The following KLHL26 variants were observed in gnomAD, a reference collection of about 807,000 sequenced individuals.
The protein encoded by KLHL26 is kelch-like protein 26.
In KLHL26, 4 loss-of-function variants were observed where a neutral mutation model predicts 7.1. The ratio of observed to expected loss-of-function variants is 0.56; its 90% CI spans 0.28 to 1.28. The LOEUF is 1.28. Ranked by LOEUF, KLHL26 falls within the 50% of genes most tolerant of loss-of-function variation. KLHL26 has a pLI of 0.11. For synonymous variants in KLHL26, 465 were observed against 414.1 expected, an observed-to-expected ratio of 1.12 and a Z score of -1.49; for missense variants, 896 against 924.6, an observed-to-expected ratio of 0.97 and a Z score of 0.40.
rs1302901010 is a variant in KLHL26, at chr19:18,668,190, G to T, written c.793G>T (p.Val265Leu). 2 of 1,611,166 alleles carry T rather than the reference G, an allele frequency of 1.2e-6. No homozygotes were observed. The highest frequency in any genetic ancestry group is 1.7e-6 in the Non-Finnish European group (2 of 1,179,852). ...LMQSSELVDSVQTLDIMVEDV... is the reference protein window; with the variant it reads ...LMQSSELVDSLQTLDIMVEDV... The stretch of plus-strand genomic sequence containing the variant: ...GCAGTCGTCCGAGCTGGTGGACAGC[G>T]TGCAGACGCTGGACATCATGGTGGA... Residue 265 changes from valine (V) to leucine (L), a missense_variant, in exon 3 of 3, where the codon GTG (valine) becomes TTG (leucine). By Grantham distance (32) the Val-to-Leu change is conservative (BLOSUM62 1). Transcript: ENST00000300976.
rs1321668390 is a variant in KLHL26, at chr19:18,650,480, T to G, written c.83+13343T>G. ...CTGAAGTTCGAGTTGGAAGCACGCG[T>G]TCTCCTTGGTGAAGTCCGTCCTGTC... On this transcript the variant is annotated intron_variant, in intron 1 of 2. Coordinates refer to ENST00000300976, the MANE Select transcript of KLHL26 (RefSeq NM_018316.3). The surrounding 1 kb of genome is among the most constrained non-coding windows in gnomAD (Gnocchi z 4.2). Among the ~76,000 whole-genome samples, 9 of 152,148 alleles carry G rather than the reference T, an allele frequency of 5.9e-5. No individual in the cohort carries two copies. The highest frequency in any genetic ancestry group is 3.9e-4 in the Admixed American group (6 of 15,282).
rs750156278 is a variant in KLHL26 at position 18,667,677 on chromosome 19, G to T, written c.280G>T (p.Gly94Cys). 5 of 1,611,140 alleles carry T rather than the reference G, an allele frequency of 3.1e-6. No individual in the cohort carries two copies. Among genetic ancestry groups the T allele is most frequent in the East Asian group, 2.2e-5 (1 of 44,868 alleles). ...TCTGCCCTTCAGGGCCATGTTCACC[G>T]GCGGCATGCGGGAGGCAAGCCAGGA... is the stretch of plus-strand genomic sequence containing the variant. The part of the protein sequence containing the change: ...CSDYFRAMFT[G>C]GMREASQDVI... The change falls in exon 3 of 3, where the codon GGC (glycine) becomes TGC (cysteine). Residue 94 changes from glycine to cysteine, a missense_variant. Coordinates refer to ENST00000300976, the MANE Select transcript of KLHL26 (RefSeq NM_018316.3).
chr19:18,657,520 C>T (rs895310556), intron 1 of KLHL26, among the ~76,000 whole-genome samples: 2 of 151,692 alleles, frequency 1.3e-5, no homozygotes, highest in Non-Finnish European at 2.9e-5. Context: ...GTCTCTGTCT[C>T]TTTGTCTCTG....
At chr19:18,663,857 G>A (rs900889188) in intron 1 of KLHL26, among the ~76,000 whole-genome samples, 6 of 152,038 alleles carry the variant, frequency 3.9e-5, no homozygotes, top group Admixed American at 6.6e-5. Flanking sequence ...GGGCTGTGGC[G>A]GGGCTTGCAG....
chr19:18,647,992 C>T (rs1009134910), intron 1 of KLHL26, among the ~76,000 whole-genome samples: 1 of 152,166 alleles, frequency 6.6e-6, no homozygotes, highest in Non-Finnish European at 1.5e-5. Context: ...GAACGTCGTG[C>T]GGTCATTTCC....
Position 18,649,708 on chromosome 19 carries a change from C to T in KLHL26, c.83+12571C>T, listed in dbSNP as rs569432237. 3.3e-4 allele frequency among the ~76,000 whole-genome samples: 50 copies of T among 152,340 alleles called. No homozygotes were observed. The highest frequency in any genetic ancestry group is 9.9e-4 in the African/African-American group (41 of 41,568). ...CTCTGGTAGCCGCTCTGCAGCTGTG[C>T]GGACCAGCTCTCTTAACACTTGTTA... On this transcript the variant is annotated intron_variant, in intron 1 of 2. Coordinates refer to ENST00000300976, the MANE Select transcript of KLHL26 (RefSeq NM_018316.3). This position sits in a 1 kb window ranked among gnomAD's most constrained non-coding sequence, Gnocchi z 4.0.
intron 1 of KLHL26, among the ~76,000 whole-genome samples, chr19:18,644,929 C>T (rs926091883): frequency 1.3e-5 from 2 of 152,140 alleles, no homozygotes; most frequent in African/African-American, 2.4e-5. Context: ...CCCCCACCCC[C>T]GACCGCCCCC....
intron 1 of KLHL26, among the ~76,000 whole-genome samples, chr19:18,641,674 G>A (rs1976715038): frequency 1.4e-5 from 2 of 147,162 alleles, no homozygotes; most frequent in South Asian, 4.3e-4. Flanking sequence ...TGTTGCCCAG[G>A]CTAGAGTGCA....
At chr19:18,660,415 G>T (rs578010837) in intron 1 of KLHL26, among the ~76,000 whole-genome samples, 2 of 152,236 alleles carry the variant, frequency 1.3e-5, no homozygotes, top group Non-Finnish European at 2.9e-5. Flanking sequence ...GGCTGCTGAC[G>T]CATTGGCTCC....
rs1420065222 is a variant in KLHL26 at position 18,664,241 on chromosome 19, C to T, written c.84-20C>T. 1 of 1,580,434 alleles carries T rather than the reference C, an allele frequency of 6.3e-7. No homozygotes were observed. Among genetic ancestry groups the T allele is most frequent in the East Asian group, 2.2e-5 (1 of 44,590 alleles). On this transcript the variant is annotated intron_variant, in intron 1 of 2. Coordinates refer to ENST00000300976, the MANE Select transcript of KLHL26 (RefSeq NM_018316.3). ...TGTGTGAACCTCTGGGCCATGTCCC[C>T]ACCTCTGCTTTCCCCGCAGCACGGC... is the stretch of plus-strand genomic sequence containing the variant.
At chr19:18,640,204 G>A (rs1278606162) in intron 1 of KLHL26, among the ~76,000 whole-genome samples, 2 of 151,992 alleles carry the variant, frequency 1.3e-5, no homozygotes, top group Non-Finnish European at 2.9e-5. Context: ...ATACTTAAGA[G>A]TAGAATGACT....
intron 2 of KLHL26, among the ~76,000 whole-genome samples, chr19:18,666,474 C>T (rs976251420): frequency 1.3e-5 from 2 of 152,178 alleles, no homozygotes; most frequent in Admixed American, 6.5e-5. Flanking sequence ...GGGTGCTCTC[C>T]CCTCTTCTGC....
chr19:18,638,039 G>T (rs1327957618), intron 1 of KLHL26, among the ~76,000 whole-genome samples: 1 of 152,196 alleles, frequency 6.6e-6, no homozygotes, highest in Non-Finnish European at 1.5e-5. Flanking sequence ...AAGAACACCT[G>T]CCTTAGGAGT....
At chr19:18,644,999 A>G (rs1568455044) in intron 1 of KLHL26, among the ~76,000 whole-genome samples, 1 of 152,176 alleles carries the variant, frequency 6.6e-6, no homozygotes, top group Non-Finnish European at 1.5e-5. Flanking sequence ...GGAAAAAAGA[A>G]AGAGAAAAGC....
intron 1 of KLHL26, among the ~76,000 whole-genome samples, chr19:18,643,522 AGGCTATAGTGCAAT>A (rs1226385436): frequency 3.3e-5 from 5 of 151,808 alleles, no homozygotes; most frequent in Non-Finnish European, 5.9e-5. Flanking sequence ...CTTGTTGTCC[AGGCTATAGTGCAAT>A]GGCATGATCT....
At chr19:18,642,267 C>T (rs1166113367) in intron 1 of KLHL26, among the ~76,000 whole-genome samples, 1 of 151,822 alleles carries the variant, frequency 6.6e-6, no homozygotes, top group East Asian at 1.9e-4. Flanking sequence ...CTCCAAGGTT[C>T]TGGCCCCTCA....
intron 1 of KLHL26, among the ~76,000 whole-genome samples, chr19:18,639,225 G>C (rs1433942517): frequency 6.6e-6 from 1 of 151,392 alleles, no homozygotes; most frequent in Non-Finnish European, 1.5e-5. Context: ...ACAGGTGCCC[G>C]CCACCATGCC....
chr19:18,668,568 A>C lies in KLHL26; in HGVS notation c.1171A>C (p.Asn391His), dbSNP rs1212181995. ...CTGCTACCGCTACGACCCCCACCTG[A>C]ATCGCTGGCTGCGCCTGCAGGCCAT... ...DACYRYDPHLNRWLRLQAMQE... is the reference protein window; with the variant it reads ...DACYRYDPHLHRWLRLQAMQE... Residue 391 changes from asparagine (N) to histidine (H), a missense_variant, in exon 3 of 3, where the codon AAT (asparagine) becomes CAT (histidine). By Grantham distance (68) the Asn-to-His change is moderately conservative. Transcript: ENST00000300976. 6.3e-7 allele frequency: 1 copy of C among 1,593,092 alleles called. No homozygotes were observed. The highest frequency in any genetic ancestry group is 2.2e-5 in the East Asian group (1 of 44,624).
chr19:18,664,928 G>A (rs1157006509), intron 2 of KLHL26, among the ~76,000 whole-genome samples: 2 of 151,950 alleles, frequency 1.3e-5, no homozygotes, highest in African/African-American at 4.8e-5. Context: ...AAACCTGCAG[G>A]TTTCCCGGAG....
Sources: allele counts gnomAD v4.1 joint callset (sites outside exome capture counted in the v4.1 genomes callset), GRCh38; gene constraint gnomAD v4.1.1; non-coding constraint Gnocchi (gnomAD v3.1); transcripts MANE v1.5; gene names NCBI Gene and HGNC (gene_info 2026-07-23, HGNC 2026-07-21).